The following DSCAML1 variants were observed in gnomAD, a reference collection of about 807,000 sequenced individuals.
DSCAML1 encodes the protein cell adhesion molecule DSCAML1.
A neutral mutation model predicts 200.5 loss-of-function variants in DSCAML1; 38 were observed. The observed-to-expected ratio is 0.19, with a 90% CI of 0.15 to 0.25. The LOEUF (loss-of-function observed/expected upper bound fraction) is 0.25. DSCAML1 is among the 10% of genes least tolerant of loss of function. The pLI is 1.00. For synonymous variants in DSCAML1, 1,215 were observed against 1,165.0 expected, an observed-to-expected ratio of 1.04 and a Z score of -0.87; for missense variants, 2,223 against 2,858.8, an observed-to-expected ratio of 0.78 and a Z score of 5.07.
At chr11:117,553,965 T>A (rs2050513367) in intron 3 of DSCAML1, among the ~76,000 whole-genome samples, 1 of 152,272 alleles carries the variant, frequency 6.6e-6, no homozygotes. Context: ...GGAATATTAT[T>A]CAGCCTTTAA....
intron 14 of DSCAML1, among the ~76,000 whole-genome samples, chr11:117,479,128 C>T (rs1197332696): frequency 6.6e-6 from 1 of 152,226 alleles, no homozygotes; most frequent in Non-Finnish European, 1.5e-5. Flanking sequence ...GGCCCTGTGC[C>T]AGGTGCTGGA....
chr11:117,793,601 G>A (rs965738593), intron 1 of DSCAML1, among the ~76,000 whole-genome samples: 1 of 152,128 alleles, frequency 6.6e-6, no homozygotes, highest in Non-Finnish European at 1.5e-5. Context: ...TTGACCCTGT[G>A]TCTGGGGGCT....
At chr11:117,638,266 T>C (rs748508514) in intron 3 of DSCAML1, among the ~76,000 whole-genome samples, 5 of 151,534 alleles carry the variant, frequency 3.3e-5, no homozygotes, top group Non-Finnish European at 7.4e-5. Flanking sequence ...AACCCCTTAG[T>C]CTTAGCAAAC....
At position 117,504,159 on chromosome 11, in the gene DSCAML1, G is replaced by A. The variant is rs1317603928; in HGVS notation, c.2183-138C>T. ...AGAGCTGCACCATCCCCAAAGTGCT[G>A]AGGCCACATGGCTCCTGGTGGGCAA... On this transcript the variant is annotated intron_variant, in intron 10 of 32. Transcript: ENST00000651296. This position sits in a 1 kb window ranked among gnomAD's most constrained non-coding sequence, Gnocchi z 5.0. 4.9e-6 allele frequency: 5 copies of A among 1,014,538 alleles called. No homozygotes were observed. The African/African-American group carries it at 8.1e-5, about 16-fold the overall frequency. The allele number at this position is 1,014,538 out of a possible 1,614,324, so 62.8% of individuals were successfully genotyped here.
chr11:117,624,109 A>AC (rs1157663661), intron 3 of DSCAML1, among the ~76,000 whole-genome samples: 1 of 152,152 alleles, frequency 6.6e-6, no homozygotes, highest in East Asian at 1.9e-4. Flanking sequence ...TAAATGATTA[A>AC]CTTTCTTTTT....
intron 3 of DSCAML1, among the ~76,000 whole-genome samples, chr11:117,647,732 C>T (rs2052545844): frequency 6.6e-6 from 1 of 152,118 alleles, no homozygotes; most frequent in Non-Finnish European, 1.5e-5. Context: ...CTAAAGGGAA[C>T]AACACAAAGA....
At chr11:117,459,039 T>C (rs1197854613) in intron 18 of DSCAML1, 130 bp from the exon 19 acceptor site, 10 of 1,221,112 alleles carry the variant, frequency 8.2e-6, no homozygotes, top group Non-Finnish European at 1.1e-5. Flanking sequence ...TGGCGAGGAC[T>C]AGAGGGTCTT....
At chr11:117,706,389 C>G (rs1282116790) in intron 3 of DSCAML1, among the ~76,000 whole-genome samples, 2 of 152,196 alleles carry the variant, frequency 1.3e-5, no homozygotes. Context: ...CAGATCACTT[C>G]TAACTTTCCC....
chr11:117,681,709 A>G (rs1032548964), intron 3 of DSCAML1, among the ~76,000 whole-genome samples: 2 of 152,234 alleles, frequency 1.3e-5, no homozygotes, highest in South Asian at 4.1e-4. Context: ...CAGAAAACCC[A>G]CATGGGAATG....
At chr11:117,660,185 T>C (rs548546654) in intron 3 of DSCAML1, among the ~76,000 whole-genome samples, 1 of 152,264 alleles carries the variant, frequency 6.6e-6, no homozygotes, top group East Asian at 1.9e-4. Context: ...AGTCCCCTCC[T>C]AGGGCCTGAG....
intron 1 of DSCAML1, among the ~76,000 whole-genome samples, chr11:117,784,559 A>G (rs1591508289): frequency 6.6e-6 from 1 of 152,086 alleles, no homozygotes; most frequent in Non-Finnish European, 1.5e-5. Flanking sequence ...TGGTGTCCTA[A>G]CTCTGGCCTC....
At chr11:117,466,469 G>A (rs559093807) in intron 16 of DSCAML1, among the ~76,000 whole-genome samples, 1 of 152,344 alleles carries the variant, frequency 6.6e-6, no homozygotes, top group African/African-American at 2.4e-5. Flanking sequence ...GGGAGGCTGA[G>A]GTGGGTGGAT....
At chr11:117,731,527 C>T (rs1054001587) in intron 3 of DSCAML1, among the ~76,000 whole-genome samples, 1 of 152,156 alleles carries the variant, frequency 6.6e-6, no homozygotes. Context: ...CTGTAAACTC[C>T]CTTGGCCCAA....
At chr11:117,803,387 G>A (rs1381637413) in intron 1 of DSCAML1, among the ~76,000 whole-genome samples, 1 of 152,074 alleles carries the variant, frequency 6.6e-6, no homozygotes, top group Non-Finnish European at 1.5e-5. Flanking sequence ...CATTTTTGAG[G>A]TGTGTCAGTT....
chr11:117,634,193 C>T (rs2052229924), intron 3 of DSCAML1, among the ~76,000 whole-genome samples: 1 of 152,152 alleles, frequency 6.6e-6, no homozygotes, highest in South Asian at 2.1e-4. Context: ...CCTCATGCAG[C>T]TTCCTGGAGG....
intron 3 of DSCAML1, among the ~76,000 whole-genome samples, chr11:117,556,131 G>A (rs2050554785): frequency 2.6e-5 from 4 of 152,160 alleles, no homozygotes; most frequent in South Asian, 4.1e-4. Flanking sequence ...TCTCAGAGGC[G>A]CGTTATGAGA....
chr11:117,631,337 G>T (rs1272425353), intron 3 of DSCAML1, among the ~76,000 whole-genome samples: 2 of 152,200 alleles, frequency 1.3e-5, no homozygotes, highest in African/African-American at 4.8e-5. Context: ...TGTTGGACCC[G>T]GGCAGAGGGA....
At chr11:117,562,802 G>A (rs1322721118) in intron 3 of DSCAML1, among the ~76,000 whole-genome samples, 2 of 152,120 alleles carry the variant, frequency 1.3e-5, no homozygotes, top group Non-Finnish European at 2.9e-5. Flanking sequence ...TGCCATCTTG[G>A]CTCACTGCAA....
In DSCAML1 at chr11:117,532,503, G is replaced by A. The variant is rs1241056820; in HGVS notation, c.531C>T (p.Thr177=). The change falls in exon 4 of 33, where the codon ACC becomes ACT. Residue 177 remains threonine (T), a synonymous_variant. Coordinates refer to ENST00000651296, the MANE Select transcript of DSCAML1 (RefSeq NM_020693.4). ...SIIPEHRFFI[T]YHGGLYISDV... ...CAGAGATGTACAGCCCGCCGTGGTAGGTAATAAAAAACCTGTGTTCTGGAG... is the reference window on the plus strand; with the variant it reads ...CAGAGATGTACAGCCCGCCGTGGTAAGTAATAAAAAACCTGTGTTCTGGAG... 1.9e-6 allele frequency: 3 copies of A among 1,613,670 alleles called. No individual in the cohort carries two copies. The highest frequency in any genetic ancestry group is 2.5e-6 in the Non-Finnish European group (3 of 1,179,874).
Sources: allele counts gnomAD v4.1 joint callset (sites outside exome capture counted in the v4.1 genomes callset), GRCh38; gene constraint gnomAD v4.1.1; non-coding constraint Gnocchi (gnomAD v3.1); transcripts MANE v1.5; gene names NCBI Gene and HGNC (gene_info 2026-07-23, HGNC 2026-07-21).